CAMK1D: variants seen among roughly 807,000 people sequenced by gnomAD.
CAMK1D encodes the protein calcium/calmodulin-dependent protein kinase type 1D.
In CAMK1D, 9 loss-of-function variants were observed where a neutral mutation model predicts 47.7. That is an observed-to-expected ratio of 0.19 (90% CI 0.11 to 0.33). The LOEUF (loss-of-function observed/expected upper bound fraction) is 0.33. Ranked by LOEUF, CAMK1D falls within the 10% of genes least tolerant of loss-of-function variation. The probability of loss-of-function intolerance (pLI) is 1.00; values close to 1 mark genes in which losing one functional copy is unlikely to be tolerated. For missense variants in CAMK1D, 291 were observed against 488.7 expected (o/e 0.60, Z 3.81); for synonymous variants, 184 against 184.9 (o/e 0.99, Z 0.04).
intron 5 of CAMK1D, among the ~76,000 whole-genome samples, chr10:12,777,637 G>C (rs1837317219): frequency 6.6e-6 from 1 of 152,160 alleles, no homozygotes. Flanking sequence ...GCCTCCCAGA[G>C]TGCTGGGATT....
At chr10:12,508,551 T>G (rs1028935689) in intron 1 of CAMK1D, among the ~76,000 whole-genome samples, 1 of 152,156 alleles carries the variant, frequency 6.6e-6, no homozygotes, top group Non-Finnish European at 1.5e-5. Context: ...GATGAAAAAA[T>G]TCTGGAGGTG....
At chr10:12,395,176 G>A (rs1307549417) in intron 1 of CAMK1D, among the ~76,000 whole-genome samples, 4 of 147,286 alleles carry the variant, frequency 2.7e-5, no homozygotes, top group Non-Finnish European at 4.4e-5. Context: ...GGTTCAAGCA[G>A]TCCTCCCACC....
chr10:12,623,402 TTCCTCCCTCCTTTCTTTCCTTC>T (rs1430825572), intron 2 of CAMK1D, among the ~76,000 whole-genome samples: 1 of 6,300 alleles, frequency 1.6e-4, no homozygotes, highest in Non-Finnish European at 4.7e-4. Flanking sequence ...CCTCCCTCCC[TTCCTCCCTCCTTTCTTTCCTTC>T]CTCCCTCCCT....
intron 2 of CAMK1D, among the ~76,000 whole-genome samples, chr10:12,614,377 A>C (rs1189692642): frequency 6.6e-6 from 1 of 152,250 alleles, no homozygotes; most frequent in African/African-American, 2.4e-5. Context: ...GTGGATTGAC[A>C]CTATATACAC....
intron 1 of CAMK1D, among the ~76,000 whole-genome samples, chr10:12,360,128 G>T (rs1360869289): frequency 6.6e-6 from 1 of 152,200 alleles, no homozygotes; most frequent in East Asian, 1.9e-4. Context: ...CCAGCTGAAA[G>T]TAGTCAGTAT....
intron 1 of CAMK1D, among the ~76,000 whole-genome samples, chr10:12,385,496 C>A (rs891967419): frequency 5.3e-5 from 8 of 152,116 alleles, no homozygotes; most frequent in Non-Finnish European, 1.0e-4. Flanking sequence ...AGAAGCCGGT[C>A]ACAAGAAACT....
chr10:12,470,693 T>G (rs1833720159), intron 1 of CAMK1D, among the ~76,000 whole-genome samples: 1 of 152,120 alleles, frequency 6.6e-6, no homozygotes, highest in Non-Finnish European at 1.5e-5. Context: ...ATTTTTGTGT[T>G]TTTGGTAGAG....
chr10:12,378,415 TA>T (rs896998309), intron 1 of CAMK1D, among the ~76,000 whole-genome samples: 1 of 143,852 alleles, frequency 7.0e-6, no homozygotes, highest in Non-Finnish European at 1.5e-5. Flanking sequence ...TTGGCAAACT[TA>T]AATTTTTTTT....
chr10:12,457,801 GAA>G (rs1833301188), intron 1 of CAMK1D, among the ~76,000 whole-genome samples: 1 of 135,882 alleles, frequency 7.4e-6, no homozygotes, highest in Admixed American at 7.3e-5. Context: ...AAAAAAAAAA[GAA>G]AGATGGACAT....
intron 1 of CAMK1D, among the ~76,000 whole-genome samples, chr10:12,423,148 T>G (rs774907780): frequency 1.3e-5 from 2 of 152,194 alleles, no homozygotes. Context: ...CTTCTAGGAC[T>G]TGGGCAATTT....
intron 3 of CAMK1D, among the ~76,000 whole-genome samples, chr10:12,715,628 G>A (rs1834098539): frequency 1.3e-5 from 2 of 149,592 alleles, no homozygotes; most frequent in African/African-American, 4.9e-5. Flanking sequence ...AGTATGCTAT[G>A]TTTTCAAAAG....
At chr10:12,507,940 T>C (rs1372262362) in intron 1 of CAMK1D, among the ~76,000 whole-genome samples, 1 of 152,200 alleles carries the variant, frequency 6.6e-6, no homozygotes, top group Non-Finnish European at 1.5e-5. Flanking sequence ...CTACACACTT[T>C]CCAGGCCACA....
intron 1 of CAMK1D, among the ~76,000 whole-genome samples, chr10:12,375,012 G>A (rs1270329821): frequency 1.3e-5 from 2 of 151,842 alleles, no homozygotes; most frequent in Non-Finnish European, 2.9e-5. Context: ...GCCCAGGCTG[G>A]TCTTGAACTC....
At chr10:12,437,846 A>G (rs920862028) in intron 1 of CAMK1D, among the ~76,000 whole-genome samples, 7 of 152,112 alleles carry the variant, frequency 4.6e-5, no homozygotes, top group East Asian at 1.9e-4. Flanking sequence ...ACCCCTGGCA[A>G]TCACTGACTA....
At chr10:12,439,223 C>T (rs1832715721) in intron 1 of CAMK1D, among the ~76,000 whole-genome samples, 1 of 152,160 alleles carries the variant, frequency 6.6e-6, no homozygotes, top group Non-Finnish European at 1.5e-5. Context: ...CGAAGTCATT[C>T]TTGACAGGTG....
chr10:12,576,047 A>G (rs1269095558), intron 2 of CAMK1D, among the ~76,000 whole-genome samples: 1 of 152,232 alleles, frequency 6.6e-6, no homozygotes, highest in Non-Finnish European at 1.5e-5. Context: ...ATTCAGTTTC[A>G]TTGATCTCAC....
rs534250762 is a variant in CAMK1D at position 12,440,441 on chromosome 10, C to T, written c.92+90531C>T. The stretch of plus-strand genomic sequence containing the variant: ...TAGCTGGGACTACAGGTGGACGCCA[C>T]CACACCTGGCTAATTTTTGTACTTT... On this transcript the variant is annotated intron_variant, in intron 1 of 10. Transcript: ENST00000619168. Among the ~76,000 whole-genome samples the T allele has an allele frequency of 1.7e-3, 252 of 152,184 alleles. 1 individual carries two copies. Among genetic ancestry groups the T allele is most frequent in the Non-Finnish European group, 2.1e-3 (142 of 68,006 alleles).
chr10:12,790,415 A>C (rs4750262), intron 5 of CAMK1D, among the ~76,000 whole-genome samples: 66,010 of 152,094 alleles, frequency 0.43, 14,482 homozygotes, highest in East Asian at 0.62. Flanking sequence ...GAAGGCCCTA[A>C]ACAGAGGCCA....
intron 1 of CAMK1D, among the ~76,000 whole-genome samples, chr10:12,452,304 G>T (rs937613949): frequency 1.3e-5 from 2 of 151,784 alleles, no homozygotes; most frequent in Non-Finnish European, 2.9e-5. Flanking sequence ...GATTTATATT[G>T]TATAAATATA....
Sources: gnomAD v4.1 joint callset for allele counts (sites outside exome capture counted in the v4.1 genomes callset) on GRCh38, gnomAD v4.1.1 for gene constraint, MANE v1.5 for transcripts, NCBI Gene and HGNC (gene_info 2026-07-23, HGNC 2026-07-21) for gene names.